The following PRKN variants were observed in gnomAD, a reference collection of about 807,000 sequenced individuals.
The protein encoded by PRKN is parkin RBR E3 ubiquitin protein ligase.
Under a neutral mutation model 59.5 loss-of-function variants are expected in PRKN, and 56 were observed. The ratio of observed to expected loss-of-function variants is 0.94; its 90% confidence interval spans 0.76 to 1.18. The LOEUF (loss-of-function observed/expected upper bound fraction) is 1.18, where lower values mean the gene tolerates loss of function less well. Among genes scored for constraint, PRKN ranks in the 50% most tolerant of loss-of-function variants. The probability of loss-of-function intolerance (pLI) is 0.00; values close to 1 mark genes in which losing one functional copy is unlikely to be tolerated. For missense variants in PRKN, 657 were observed against 596.4 expected (o/e 1.10, Z -1.06); for synonymous variants, 250 against 222.1 (o/e 1.13, Z -1.12).
chr6:162,140,506 G>A (rs1046356161), intron 4 of PRKN, among the ~76,000 whole-genome samples: 1 of 152,210 alleles, frequency 6.6e-6, no homozygotes, highest in African/African-American at 2.4e-5. Context: ...GAATGTGTGT[G>A]TGTATATGTG....
In PRKN at chr6:161,549,779, T is replaced by C. The variant is rs1779933447; in HGVS notation, c.934-776A>G. 6.6e-6 allele frequency among the ~76,000 whole-genome samples: 1 copy of C among 152,216 alleles called. No homozygotes were observed. The highest frequency in any genetic ancestry group is 1.5e-5 in the Non-Finnish European group (1 of 68,034). Reference sequence around the variant, plus strand: ...GATCAAGTCAAATAGGTTTGCTCAATTATTAATTAAATAATGCAACATTTA... The same window carrying C: ...GATCAAGTCAAATAGGTTTGCTCAACTATTAATTAAATAATGCAACATTTA... On this transcript the variant is annotated intron_variant, in intron 8 of 11. Coordinates refer to ENST00000366898, the MANE Select transcript of PRKN (RefSeq NM_004562.3). The surrounding 1 kb of genome is among the most constrained non-coding windows in gnomAD (Gnocchi z 6.0).
intron 1 of PRKN, among the ~76,000 whole-genome samples, chr6:162,670,505 T>A (rs1282635855): frequency 6.6e-6 from 1 of 152,190 alleles, no homozygotes; most frequent in African/African-American, 2.4e-5. Flanking sequence ...GCCACTAAAA[T>A]ACAACCTTAC....
At chr6:162,314,451 C>A (rs1235249564) in intron 2 of PRKN, among the ~76,000 whole-genome samples, 3 of 152,052 alleles carry the variant, frequency 2.0e-5, no homozygotes, top group Admixed American at 1.3e-4. Context: ...GACCACTGTT[C>A]TAATTTTGCC....
At chr6:162,000,263 T>A (rs1562448285) in intron 5 of PRKN, among the ~76,000 whole-genome samples, 1 of 152,128 alleles carries the variant, frequency 6.6e-6, no homozygotes, top group Non-Finnish European at 1.5e-5. Flanking sequence ...TTCCCATCAG[T>A]AATGAATAAG....
chr6:161,864,526 CA>C (rs1794034181), intron 6 of PRKN, among the ~76,000 whole-genome samples: 1 of 152,178 alleles, frequency 6.6e-6, no homozygotes, highest in Non-Finnish European at 1.5e-5. Context: ...GGGTTGAAAC[CA>C]ACTTTTTCAA....
At chr6:161,767,696 AG>A (rs1789488294) in intron 7 of PRKN, among the ~76,000 whole-genome samples, 1 of 145,800 alleles carries the variant, frequency 6.9e-6, no homozygotes, top group African/African-American at 2.5e-5. Context: ...GAGGCTGTTT[AG>A]GTATTTGTAA....
At chr6:162,387,479 G>A (rs1183921061) in intron 2 of PRKN, among the ~76,000 whole-genome samples, 2 of 141,946 alleles carry the variant, frequency 1.4e-5, no homozygotes, top group East Asian at 2.2e-4. Context: ...TTGAAGTTAA[G>A]AAGAAAATAA....
chr6:162,331,043 T>G (rs1040125069), intron 2 of PRKN, among the ~76,000 whole-genome samples: 4 of 152,050 alleles, frequency 2.6e-5, no homozygotes, highest in African/African-American at 4.8e-5. Flanking sequence ...TAGAAATAAT[T>G]TTAGGCAGGG....
At chr6:162,086,340 A>G (rs1242713244) in intron 4 of PRKN, among the ~76,000 whole-genome samples, 1 of 152,148 alleles carries the variant, frequency 6.6e-6, no homozygotes, top group African/African-American at 2.4e-5. Flanking sequence ...AAAGAAGACT[A>G]GGAATATAAG....
intron 1 of PRKN, among the ~76,000 whole-genome samples, chr6:162,585,326 T>A (rs1780998331): frequency 6.6e-6 from 1 of 152,164 alleles, no homozygotes; most frequent in Admixed American, 6.5e-5. Flanking sequence ...TGAGTGGTTA[T>A]GGGGGCCATG....
chr6:162,579,276 T>A (rs1259876327), intron 1 of PRKN, among the ~76,000 whole-genome samples: 1 of 152,146 alleles, frequency 6.6e-6, no homozygotes, highest in Non-Finnish European at 1.5e-5. Context: ...ATCTTTTATC[T>A]TCCATGCCCA....
chr6:162,153,484 C>T (rs1035459697), intron 4 of PRKN, among the ~76,000 whole-genome samples: 54 of 152,268 alleles, frequency 3.5e-4, no homozygotes, highest in African/African-American at 1.3e-3. Flanking sequence ...GTTCAGCGGG[C>T]CCTTTGCCTC....
intron 3 of PRKN, among the ~76,000 whole-genome samples, chr6:162,207,571 C>T (rs149561835): frequency 1.0e-3 from 154 of 152,320 alleles, no homozygotes; most frequent in African/African-American, 3.5e-3. Context: ...TAACATCCCA[C>T]TCAGCGCATG....
chr6:161,465,517 C>G (rs1790421561), intron 9 of PRKN, among the ~76,000 whole-genome samples: 2 of 150,754 alleles, frequency 1.3e-5, no homozygotes, highest in East Asian at 3.9e-4. Context: ...TTTTAGTATA[C>G]TTTTTTCTTT....
intron 6 of PRKN, among the ~76,000 whole-genome samples, chr6:161,932,415 G>A (rs577118105): frequency 4.1e-4 from 62 of 152,102 alleles, no homozygotes; most frequent in Non-Finnish European, 7.5e-4. Flanking sequence ...AAGATCTTTA[G>A]GCAAGTTAAA....
chr6:162,556,364 T>TGTGTGTGCGCGC (rs1554243416), intron 1 of PRKN, among the ~76,000 whole-genome samples: 3 of 91,172 alleles, frequency 3.3e-5, no homozygotes, highest in African/African-American at 3.2e-5. Context: ...TGTGTGTGTG[T>TGTGTGTGCGCGC]GTGTGTGTGT....
chr6:162,082,455 T>A (rs1779095258), intron 4 of PRKN, among the ~76,000 whole-genome samples: 2 of 152,150 alleles, frequency 1.3e-5, no homozygotes, highest in African/African-American at 4.8e-5. Context: ...GTAGCTGGTT[T>A]CAACATCTGT....
rs888356928 is a variant in PRKN, at chr6:161,471,206, T to C, written c.1083+77648A>G. ...GAGAAAGGCCAGGTAATGAATAGAG[T>C]GAAAAATGTACATTAGAAAAATGCT... On this transcript the variant is annotated intron_variant, in intron 9 of 11. Coordinates refer to ENST00000366898, the MANE Select transcript of PRKN (RefSeq NM_004562.3). The surrounding 1 kb of genome is among the most constrained non-coding windows in gnomAD (Gnocchi z 4.5). Among the ~76,000 whole-genome samples the C allele has an allele frequency of 4.0e-5, 6 of 151,712 alleles. No homozygotes were observed. Among genetic ancestry groups the C allele is most frequent in the Non-Finnish European group, 5.9e-5 (4 of 67,948 alleles).
chr6:162,201,514 G>T (rs565570542), intron 3 of PRKN, among the ~76,000 whole-genome samples: 2 of 152,302 alleles, frequency 1.3e-5, no homozygotes, highest in South Asian at 2.1e-4. Flanking sequence ...ACTGCCAAGA[G>T]AATCGGGCAA....
Sources: allele counts gnomAD v4.1 joint callset (sites outside exome capture counted in the v4.1 genomes callset), GRCh38; gene constraint gnomAD v4.1.1; non-coding constraint Gnocchi (gnomAD v3.1); transcripts MANE v1.5; gene names NCBI Gene and HGNC (gene_info 2026-07-23, HGNC 2026-07-21).